RIF1: variants seen among roughly 807,000 people sequenced by gnomAD.
The protein encoded by RIF1 is replication timing regulatory factor 1.
RIF1 carries 45 observed loss-of-function variants against 247.1 expected under a neutral mutation model. That is an observed-to-expected ratio of 0.18 (90% CI 0.14 to 0.23). The LOEUF (loss-of-function observed/expected upper bound fraction) is 0.23, where lower values mean the gene tolerates loss of function less well. RIF1 is among the 10% of genes least tolerant of loss of function. The pLI, the probability that RIF1 is intolerant of heterozygous loss-of-function variation, is 1.00. For synonymous variants in RIF1, 1,087 were observed against 978.8 expected, an observed-to-expected ratio of 1.11 and a Z score of -2.06; for missense variants, 2,967 against 2,862.5, an observed-to-expected ratio of 1.04 and a Z score of -0.83.
intron 26 of RIF1, 55 bp from the exon 27 acceptor site, chr2:151,461,083 T>C: frequency 6.6e-7 from 1 of 1,509,076 alleles, no homozygotes; most frequent in Non-Finnish European, 9.1e-7. Flanking sequence ...ATAGAAATAT[T>C]GGAAAATAAT....
At chr2:151,429,027 A>G in intron 9 of RIF1, 105 bp downstream of exon 9, 1 of 676,770 alleles carries the variant, frequency 1.5e-6, no homozygotes, top group South Asian at 1.9e-5. Context: ...AAGTTAAGTA[A>G]CTACTGAATT....
At chr2:151,459,812 A>G (rs551358723) in intron 25 of RIF1, among the ~76,000 whole-genome samples, 188 bp from the exon 26 acceptor site, 1 of 152,344 alleles carries the variant, frequency 6.6e-6, no homozygotes, top group Non-Finnish European at 1.5e-5. Flanking sequence ...TATTAAAGAG[A>G]CACCAAAGCC....
At position 151,452,434 on chromosome 2, in the gene RIF1, A is replaced by T. The variant is rs919215401; in HGVS notation, c.2344+729A>T. ...ATGTTGAGATATATTATTCTTGTTTAAAGATTAGGGACATAAAATTATCTA... is the reference window on the plus strand; with the variant it reads ...ATGTTGAGATATATTATTCTTGTTTTAAGATTAGGGACATAAAATTATCTA... On this transcript the variant is annotated intron_variant, in intron 21 of 35. Transcript: ENST00000444746. 4.6e-5 allele frequency among the ~76,000 whole-genome samples: 7 copies of T among 152,366 alleles called. No homozygotes were observed. The South Asian group carries it at 1.4e-3, about 32-fold the overall frequency.
rs2048961442 is a variant in RIF1 at position 151,477,005 on chromosome 2, A to G, written c.*1934A>G. Reference sequence around the variant, plus strand: ...CAGTAATAGCAGAAAATGTGACCAAATGAGTATCATGTACTTAAATCACTG... The same window carrying G: ...CAGTAATAGCAGAAAATGTGACCAAGTGAGTATCATGTACTTAAATCACTG... On this transcript the variant is annotated 3_prime_UTR_variant, in exon 36 of 36. Coordinates refer to ENST00000444746, the MANE Select transcript of RIF1 (RefSeq NM_018151.5). The G allele has an allele frequency of 6.6e-6, 1 of 152,236 alleles. No homozygotes were observed. The highest frequency in any genetic ancestry group is 2.1e-4 in the South Asian group (1 of 4,834). The allele number at this position is 152,236 out of a possible 1,614,324, so 9.4% of individuals were successfully genotyped here. A position where few individuals can be genotyped will look rare whatever the true frequency, so the allele number is the denominator to read the frequency against.
intron 2 of RIF1, 45 bp downstream of exon 2, chr2:151,410,572 G>C (rs772625638): frequency 1.3e-6 from 2 of 1,482,966 alleles, no homozygotes; most frequent in South Asian, 2.3e-5. Flanking sequence ...GCGCTCTATA[G>C]TGGGGAGAAA....
At chr2:151,420,970 G>A (rs1688067480) in intron 7 of RIF1, among the ~76,000 whole-genome samples, 1 of 152,158 alleles carries the variant, frequency 6.6e-6, no homozygotes, top group Non-Finnish European at 1.5e-5. Flanking sequence ...AGCATTAACT[G>A]ATTGACTCAT....
In RIF1 at chr2:151,505,950, C is replaced by CT. The variant is rs1180038222; in HGVS notation, c.*862-259dup. 3 of 588,398 alleles carry CT rather than the reference C, an allele frequency of 5.1e-6. No homozygotes were observed. In the African/African-American group the frequency reaches 5.6e-5, roughly 11 times the overall value. The allele number at this position is 588,398 out of a possible 1,614,324, so 36.4% of individuals were successfully genotyped here. ...GGATTCTACCTTCTCACAAGCCTCT[C>CT]TGTTTTTCAGATCTAATCTCTCCCT... On this transcript the variant is annotated intron_variant and NMD_transcript_variant, in intron 12 of 13. Transcript: ENST00000454583.
chr2:151,431,779 C>CAATGAA (rs150479945), intron 9 of RIF1, among the ~76,000 whole-genome samples: 4 of 149,544 alleles, frequency 2.7e-5, no homozygotes, highest in African/African-American at 9.9e-5. Flanking sequence ...ACTTCCGTCT[C>CAATGAA]TGAATGAATG....
chr2:151,497,119 G>C, intron 10 of RIF1: 2 of 1,455,508 alleles, frequency 1.4e-6, no homozygotes, highest in Non-Finnish European at 1.9e-6. Flanking sequence ...CAGCTTCCTT[G>C]TTAAGACAAA....
At chr2:151,493,284 G>T in intron 9 of RIF1, 1 of 1,164,644 alleles carries the variant, frequency 8.6e-7, no homozygotes, top group Non-Finnish European at 1.2e-6. Flanking sequence ...TGAGAAAGGC[G>T]TGTTTTTATG....
At chr2:151,502,896 CAAGA>C (rs762763932) in intron 11 of RIF1, 1 of 1,488,810 alleles carries the variant, frequency 6.7e-7, no homozygotes, top group Non-Finnish European at 9.3e-7. Context: ...CTGTGAGATA[CAAGA>C]AAGTACCCAG....
chr2:151,449,096 T>C (rs962135522), intron 20 of RIF1, among the ~76,000 whole-genome samples: 2 of 152,246 alleles, frequency 1.3e-5, no homozygotes, highest in African/African-American at 2.4e-5. Context: ...AACTTGATTA[T>C]TGTTTTTAAG....
intron 10 of RIF1, among the ~76,000 whole-genome samples, chr2:151,498,915 C>A (rs2062314569): frequency 6.6e-6 from 1 of 150,386 alleles, no homozygotes; most frequent in South Asian, 2.1e-4. Flanking sequence ...TTCAAAATAT[C>A]TGTACAAATA....
chr2:151,507,434 A>G (rs1214522565), intron 13 of RIF1, among the ~76,000 whole-genome samples: 1 of 152,154 alleles, frequency 6.6e-6, no homozygotes, highest in African/African-American at 2.4e-5. Context: ...TGAAGCAGAT[A>G]ATAATTATCT....
chr2:151,490,151 A>G (rs2055071538), intron 9 of RIF1: 1 of 1,262,836 alleles, frequency 7.9e-7, no homozygotes, highest in Non-Finnish European at 1.1e-6. Flanking sequence ...TTAGCAGCTG[A>G]GTGATGTCTT....
chr2:151,493,475 C>T, intron 9 of RIF1: 2 of 1,443,030 alleles, frequency 1.4e-6, no homozygotes, highest in Middle Eastern at 1.8e-4. Flanking sequence ...ATCTAGGCAT[C>T]AGACAGCAGA....
chr2:151,468,622 T>C lies in RIF1; in HGVS notation c.6826-19T>C, dbSNP rs757122956. ...AGTCAGTTGACCTCTGTGTAACAGC[T>C]TCTGAAATTTATTCTAAGATTTCAG... On this transcript the variant is annotated intron_variant, in intron 32 of 35. Transcript: ENST00000444746. The C allele has an allele frequency of 2.2e-5, 36 of 1,609,622 alleles. No individual in the cohort carries two copies. The highest frequency in any genetic ancestry group is 8.3e-5 in the Admixed American group (5 of 60,000).
Position 151,463,443 on chromosome 2 carries a change from C to A in RIF1, c.3923C>A (p.Ser1308Tyr), listed in dbSNP as rs189603165. ...GNKRSKPLMR[S>Y]EPEKNTEESV... ...AAAAGGTCTAAGCCCTTAATGAGATCTGAGCCGGAGAAAAATACTGAGGAA... is the reference window on the plus strand; with the variant it reads ...AAAAGGTCTAAGCCCTTAATGAGATATGAGCCGGAGAAAAATACTGAGGAA... Residue 1308 changes from serine (S) to tyrosine (Y), a missense_variant, in exon 30 of 36, where the codon TCT becomes TAT. Physicochemically the swap from Ser to Tyr is moderately radical, Grantham distance 144. This residue lies in a region of RIF1 where 2,028 missense variants were observed against 1,825.6 expected (regional missense o/e 1.11). Coordinates refer to ENST00000444746, the MANE Select transcript of RIF1 (RefSeq NM_018151.5). The A allele has an allele frequency of 1.2e-6, 2 of 1,613,992 alleles. No individual in the cohort carries two copies. The highest frequency in any genetic ancestry group is 1.7e-5 in the Admixed American group (1 of 60,008).
rs908396644 is a variant in RIF1 at position 151,479,948 on chromosome 2, A to G, written c.*4877A>G. The G allele has an allele frequency of 4.6e-5, 7 of 152,322 alleles. No individual in the cohort carries two copies. The highest frequency in any genetic ancestry group is 7.4e-5 in the Non-Finnish European group (5 of 68,014). 9.4% of individuals were successfully genotyped at this position (152,322 alleles called of 1,614,324 possible). On this transcript the variant is annotated 3_prime_UTR_variant, in exon 36 of 36. Coordinates refer to ENST00000444746, the MANE Select transcript of RIF1 (RefSeq NM_018151.5). ...CAGGCTTTACATATTGCTCTTTGCA[A>G]GTAGCCGTTAAAGTGTAAGTCATTG... is the stretch of plus-strand genomic sequence containing the variant.
Sources: allele counts gnomAD v4.1 joint callset (sites outside exome capture counted in the v4.1 genomes callset), GRCh38; gene constraint gnomAD v4.1.1; regional missense constraint gnomAD v4.1.1; transcripts MANE v1.5; gene names NCBI Gene and HGNC (gene_info 2026-07-23, HGNC 2026-07-21).